APBB2: variants seen among roughly 807,000 people sequenced by gnomAD.
APBB2 encodes the protein amyloid beta precursor protein binding family B member 2, also known as Fe65-like 1.
A neutral mutation model predicts 82.5 loss-of-function variants in APBB2; 38 were observed. The ratio of observed to expected loss-of-function variants is 0.46; its 90% CI spans 0.36 to 0.60. The LOEUF is 0.60. Among genes scored for constraint, APBB2 ranks in the 20% least tolerant of loss-of-function variants. The probability of loss-of-function intolerance (pLI) is 0.00; values close to 1 mark genes in which losing one functional copy is unlikely to be tolerated. For missense variants in APBB2, 772 were observed against 972.3 expected (o/e 0.79, Z 2.74); for synonymous variants, 341 against 368.2 (o/e 0.93, Z 0.85).
chr4:40,843,337 C>A (rs188955936), intron 12 of APBB2, among the ~76,000 whole-genome samples: 9 of 152,294 alleles, frequency 5.9e-5, no homozygotes, highest in Admixed American at 5.9e-4. Context: ...GTGCACCAGA[C>A]AGTGAACCAC....
chr4:40,964,895 C>T (rs960187971), intron 6 of APBB2, among the ~76,000 whole-genome samples: 5 of 148,092 alleles, frequency 3.4e-5, no homozygotes, highest in African/African-American at 5.3e-5. Context: ...CCAAGGCGGG[C>T]AGATCACGAG....
intron 10 of APBB2, among the ~76,000 whole-genome samples, chr4:40,924,694 C>T (rs867652662): frequency 1.6e-4 from 25 of 152,204 alleles, no homozygotes; most frequent in African/African-American, 2.2e-4. Context: ...CCTCCAGCTC[C>T]GGCCGCCCCC....
intron 4 of APBB2, among the ~76,000 whole-genome samples, chr4:41,060,574 G>T (rs893409024): frequency 1.3e-5 from 2 of 152,116 alleles, no homozygotes; most frequent in African/African-American, 4.8e-5. Flanking sequence ...ACTCACAGAG[G>T]AGAGGAGGGA....
intron 12 of APBB2, among the ~76,000 whole-genome samples, chr4:40,869,784 T>G (rs1301620105): frequency 6.6e-6 from 1 of 152,170 alleles, no homozygotes; most frequent in African/African-American, 2.4e-5. Context: ...ATTATATAAT[T>G]GCTTACTTTT....
intron 5 of APBB2, among the ~76,000 whole-genome samples, chr4:41,017,885 G>C (rs1189062900): frequency 6.6e-6 from 1 of 152,152 alleles, no homozygotes; most frequent in Non-Finnish European, 1.5e-5. Flanking sequence ...GTTTGTGTTT[G>C]TCTTTAAATA....
At position 40,816,006 on chromosome 4, in the gene APBB2, G is replaced by T. The variant is rs1327441812; in HGVS notation, c.*86C>A. Reference sequence around the variant, plus strand: ...TCTGAAGACAAAGCATCAGCAACTGGATGGAAGGTCGGATGGCGGAGTTCA... The same window carrying T: ...TCTGAAGACAAAGCATCAGCAACTGTATGGAAGGTCGGATGGCGGAGTTCA... On this transcript the variant is annotated 3_prime_UTR_variant, in exon 18 of 18. Transcript: ENST00000508593. The T allele has an allele frequency of 4.7e-6, 7 of 1,475,130 alleles. No homozygotes were observed. In the East Asian group the frequency reaches 1.6e-4, roughly 34 times the overall value. 91.4% of individuals were successfully genotyped at this position (1,475,130 alleles called of 1,614,324 possible).
chr4:41,044,382 C>T (rs183713839), intron 4 of APBB2, among the ~76,000 whole-genome samples: 2 of 152,260 alleles, frequency 1.3e-5, no homozygotes, highest in East Asian at 3.9e-4. Flanking sequence ...CAAGTTGGCT[C>T]CTAAGTCATT....
chr4:41,211,250 G>A (rs1779239922), intron 1 of APBB2, among the ~76,000 whole-genome samples: 1 of 151,540 alleles, frequency 6.6e-6, no homozygotes, highest in Non-Finnish European at 1.5e-5. Context: ...CTGAAACTCT[G>A]TCTCAAAAAT....
chr4:40,971,531 T>C (rs1275838495), intron 6 of APBB2, among the ~76,000 whole-genome samples: 5 of 152,218 alleles, frequency 3.3e-5, no homozygotes, highest in African/African-American at 1.2e-4. Context: ...TTCCATTCTC[T>C]TTAAATTTTC....
At chr4:41,208,134 C>T (rs1001628487) in intron 1 of APBB2, among the ~76,000 whole-genome samples, 2 of 152,174 alleles carry the variant, frequency 1.3e-5, no homozygotes, top group Non-Finnish European at 2.9e-5. Flanking sequence ...CATCCCATAC[C>T]TCCAGTAATG....
chr4:40,889,395 C>T (rs1771318509), intron 12 of APBB2, among the ~76,000 whole-genome samples: 1 of 152,166 alleles, frequency 6.6e-6, no homozygotes. Context: ...TAGAGAGGAC[C>T]ACATGACTCA....
intron 6 of APBB2, among the ~76,000 whole-genome samples, chr4:40,974,833 C>T (rs996612819): frequency 2.6e-5 from 4 of 152,194 alleles, no homozygotes; most frequent in African/African-American, 9.7e-5. Context: ...CCAAAGCAAC[C>T]TTACATTACA....
chr4:40,855,236 C>T lies in APBB2; in HGVS notation c.1530-24659G>A, dbSNP rs2154330000. On this transcript the variant is annotated intron_variant, in intron 12 of 17. Coordinates refer to ENST00000508593, the MANE Select transcript of APBB2 (RefSeq NM_004307.2). ...AGTGCAGAGAACCTGCAATGGGCCCCACGCCAGCATAGTGTGAGCTCCAAG... is the reference window on the plus strand; with the variant it reads ...AGTGCAGAGAACCTGCAATGGGCCCTACGCCAGCATAGTGTGAGCTCCAAG... Among the ~76,000 whole-genome samples the T allele has an allele frequency of 1.3e-5, 2 of 152,316 alleles. 1 individual carries two copies. The highest frequency in any genetic ancestry group is 4.1e-4 in the South Asian group (2 of 4,828).
At chr4:41,133,613 C>T (rs1167293608) in intron 2 of APBB2, among the ~76,000 whole-genome samples, 1 of 151,950 alleles carries the variant, frequency 6.6e-6, no homozygotes, top group Non-Finnish European at 1.5e-5. Context: ...GAGGCAGACA[C>T]AGCGACAGGA....
At chr4:40,851,742 T>A (rs4992327) in intron 12 of APBB2, among the ~76,000 whole-genome samples, 2,965 of 35,246 alleles carry the variant, frequency 0.084, 53 homozygotes, top group African/African-American at 0.12. Context: ...ATATATATTT[T>A]TTTTTTTTTT....
chr4:41,084,077 T>A (rs763146980), intron 3 of APBB2, among the ~76,000 whole-genome samples: 9 of 152,178 alleles, frequency 5.9e-5, no homozygotes, highest in Non-Finnish European at 1.2e-4. Flanking sequence ...AAGTGATCAT[T>A]AATAGTGACT....
At chr4:41,006,072 A>G (rs1806633747) in intron 6 of APBB2, among the ~76,000 whole-genome samples, 1 of 152,238 alleles carries the variant, frequency 6.6e-6, no homozygotes, top group Non-Finnish European at 1.5e-5. Flanking sequence ...ACCTCGTATG[A>G]TACCTTATGA....
chr4:41,153,760 G>A (rs1165272980), intron 1 of APBB2, among the ~76,000 whole-genome samples: 2 of 152,122 alleles, frequency 1.3e-5, no homozygotes, highest in Non-Finnish European at 2.9e-5. Flanking sequence ...CCGGCTGTCA[G>A]AAACATAATC....
At chr4:40,980,467 T>C (rs1798191965) in intron 6 of APBB2, among the ~76,000 whole-genome samples, 1 of 152,140 alleles carries the variant, frequency 6.6e-6, no homozygotes. Context: ...GCCAACCCAC[T>C]ATGGGCATGA....
Sources: gnomAD v4.1 joint callset for allele counts (sites outside exome capture counted in the v4.1 genomes callset) on GRCh38, gnomAD v4.1.1 for gene constraint, MANE v1.5 for transcripts, NCBI Gene and HGNC (gene_info 2026-07-23, HGNC 2026-07-21) for gene names.